Variants in SPTBN2 observed in about 807,000 individuals in gnomAD.
SPTBN2 encodes spectrin beta chain, non-erythrocytic 2.
In SPTBN2, 107 loss-of-function variants were observed where a neutral mutation model predicts 284.2. That is an observed-to-expected ratio of 0.38 (90% confidence interval 0.32 to 0.44). The LOEUF is 0.44. SPTBN2 is among the 20% of genes least tolerant of loss of function. The pLI is 1.00. For missense variants in SPTBN2, 2,569 were observed against 3,287.1 expected (o/e 0.78, Z 5.34); for synonymous variants, 1,289 against 1,354.8 (o/e 0.95, Z 1.07).
intron 37 of SPTBN2, 63 bp from the exon 38 acceptor site, chr11:66,686,167 A>G (rs956010428): frequency 6.6e-7 from 1 of 1,522,962 alleles, no homozygotes; most frequent in Non-Finnish European, 9.1e-7. Context: ...CGCAGTGGAC[A>G]GCAGGGAAGT....
intron 36 of SPTBN2, 102 bp downstream of exon 36, chr11:66,686,891 AG>A: frequency 6.6e-7 from 1 of 1,517,616 alleles, no homozygotes; most frequent in Non-Finnish European, 9.1e-7. Context: ...TACTCCACTC[AG>A]GCTCCTTACA....
rs778239921 is a variant in SPTBN2 at position 66,693,765 on chromosome 11, G to C, written c.4593+7C>G. On this transcript the variant is annotated splice_region_variant and intron_variant, in intron 23 of 37. Coordinates refer to ENST00000533211, the MANE Select transcript of SPTBN2 (RefSeq NM_006946.4). This position sits in a 1 kb window ranked among gnomAD's most constrained non-coding sequence, Gnocchi z 5.7. ...AACTTCTCTTTTGCCTTCAGCCTCTGCCTCACCTGGTTTTTCTTCATGAGA... is the reference window on the plus strand; with the variant it reads ...AACTTCTCTTTTGCCTTCAGCCTCTCCCTCACCTGGTTTTTCTTCATGAGA... The C allele has an allele frequency of 3.3e-5, 53 of 1,610,884 alleles. No individual in the cohort carries two copies. The highest frequency in any genetic ancestry group is 4.3e-5 in the Non-Finnish European group (51 of 1,178,738).
At position 66,683,668 on chromosome 11, in the gene SPTBN2, C is replaced by T. The variant is rs915053830; in HGVS notation, c.*2203G>A. Among the ~76,000 whole-genome samples the T allele has an allele frequency of 8.5e-5, 13 of 152,266 alleles. No homozygotes were observed. Among genetic ancestry groups the T allele is most frequent in the African/African-American group, 2.9e-4 (12 of 41,474 alleles). On this transcript the variant is annotated 3_prime_UTR_variant, in exon 38 of 38. Transcript: ENST00000533211. ...TCTCCGTTGACAATGCCTGCCCCTA[C>T]TGCAGGACTGCTTCAATTGGCTGTC...
In SPTBN2 at chr11:66,693,179, C is replaced by T. The variant is rs751748977; in HGVS notation, c.4854+7G>A. ...TCACATACACTGGGCTCTGTCCTGG[C>T]CCTCACCTTGGCCTTCTCCTGGCCC... On this transcript the variant is annotated splice_region_variant and intron_variant, in intron 24 of 37. Transcript: ENST00000533211. The surrounding 1 kb of genome is among the most constrained non-coding windows in gnomAD (Gnocchi z 5.7). 3 of 1,614,242 alleles carry T rather than the reference C, an allele frequency of 1.9e-6. No individual in the cohort carries two copies. The highest frequency in any genetic ancestry group is 1.3e-5 in the African/African-American group (1 of 75,072).
At position 66,688,985 on chromosome 11, in the gene SPTBN2, G is replaced by A. The variant is rs961186011; in HGVS notation, c.6034+111C>T. 6 of 1,453,202 alleles carry A rather than the reference G, an allele frequency of 4.1e-6. No individual in the cohort carries two copies. The African/African-American group carries it at 8.4e-5, about 20-fold the overall frequency. 90.0% of individuals were successfully genotyped at this position (1,453,202 alleles called of 1,614,324 possible). On this transcript the variant is annotated intron_variant, in intron 30 of 37. Transcript: ENST00000533211. ...AGCTGTGCCAGGCAGCACGAAGATT[G>A]GGCATCGTGAGTTTCACACCCAGGG...
At position 66,700,714 on chromosome 11, in the gene SPTBN2, C is replaced by T. The variant is rs780605197; in HGVS notation, c.3385G>A (p.Glu1129Lys). Residue 1129 changes from glutamate (E) to lysine (K), a missense_variant, in exon 17 of 38, where the codon GAG (glutamate) becomes AAG (lysine). Coordinates refer to ENST00000533211, the MANE Select transcript of SPTBN2 (RefSeq NM_006946.4). The surrounding 1 kb of genome is among the most constrained non-coding windows in gnomAD (Gnocchi z 6.6). Reference sequence around the variant, plus strand: ...TCAGCCTGGTCCCGGGTCACCTCCTCGCCCAGGGCTCGCAGCCGGCTATAC... The same window carrying T: ...TCAGCCTGGTCCCGGGTCACCTCCTTGCCCAGGGCTCGCAGCCGGCTATAC... ...SEYSRLRALGEEVTRDQADPQ... is the reference protein window; with the variant it reads ...SEYSRLRALGKEVTRDQADPQ... The T allele has an allele frequency of 3.0e-5, 48 of 1,604,594 alleles. 1 individual carries two copies. Among genetic ancestry groups the T allele is most frequent in the East Asian group, 6.7e-5 (3 of 44,884 alleles).
chr11:66,723,490 G>A (rs1251209967), intron 1 of SPTBN2, among the ~76,000 whole-genome samples: 1 of 152,150 alleles, frequency 6.6e-6, no homozygotes, highest in Non-Finnish European at 1.5e-5. Context: ...CTGATTCCAT[G>A]AAGCTGAACC....
rs1241052748 is a variant in SPTBN2, at chr11:66,707,893, C to G, written c.1351-75G>C. The G allele has an allele frequency of 1.9e-6, 3 of 1,559,678 alleles. No homozygotes were observed. Among genetic ancestry groups the G allele is most frequent in the Non-Finnish European group, 1.7e-6 (2 of 1,152,562 alleles). On this transcript the variant is annotated intron_variant, in intron 12 of 37. Coordinates refer to ENST00000533211, the MANE Select transcript of SPTBN2 (RefSeq NM_006946.4). This position sits in a 1 kb window ranked among gnomAD's most constrained non-coding sequence, Gnocchi z 4.9. The stretch of plus-strand genomic sequence containing the variant: ...CTGCCTGCTCCTCTGTCCTGCAGGG[C>G]ACTTGGCCTGCAAGATCCCAGCTCC...
In SPTBN2 at chr11:66,688,150, C is replaced by A; in HGVS notation, c.6374+19G>T. 1 of 1,613,508 alleles carries A rather than the reference C, an allele frequency of 6.2e-7. No individual in the cohort carries two copies. On this transcript the variant is annotated intron_variant, in intron 32 of 37. Transcript: ENST00000533211. ...CTGGGCTCAGCCGCCTCCTCCTACC[C>A]AGGCATCCTGGCTCTCACCCGTCCC...
intron 14 of SPTBN2, 27 bp downstream of exon 14, chr11:66,705,657 T>C (rs1941504379): frequency 6.2e-7 from 1 of 1,608,794 alleles, no homozygotes; most frequent in African/African-American, 1.3e-5. Context: ...AGCCCCTCCC[T>C]CTCCAGTGCC....
chr11:66,728,131 G>C (rs957189703), intron 1 of SPTBN2: 2 of 147,420 alleles, frequency 1.4e-5, no homozygotes, highest in African/African-American at 4.9e-5. Context: ...CCGCGGGCCG[G>C]GACAAAGCGG....
Position 66,694,287 on chromosome 11 carries a change from TC to T in SPTBN2, c.4354del (p.Glu1452ArgfsTer53). The part of the protein sequence containing the change: ...IQAQAKALAQ[E>X]DQGAGEVERT... ...CTCCACCTCCCCTGCACCCTGGTCC[TC>T]CTGGGCCAGTGCTTTGGCCTGGGCC... On this transcript the variant is annotated frameshift_variant, in exon 22 of 38. Coordinates refer to ENST00000533211, the MANE Select transcript of SPTBN2 (RefSeq NM_006946.4). LOFTEE classifies it high-confidence loss of function. The T allele has an allele frequency of 6.2e-7, 1 of 1,614,218 alleles. No homozygotes were observed. Among genetic ancestry groups the T allele is most frequent in the Non-Finnish European group, 8.5e-7 (1 of 1,180,028 alleles).
At position 66,710,674 on chromosome 11, in the gene SPTBN2, G is replaced by C; in HGVS notation, c.981C>G (p.Thr327=). The stretch of plus-strand genomic sequence containing the variant: ...AGTTGGCCAACTGCCGGTCATTGAG[G>C]GTCACGATCGTTTGCTCGATCCACT... The part of the protein sequence containing the change: ...LLQWIEQTIV[T]LNDRQLANSL... Residue 327 remains threonine, a synonymous_variant, in exon 10 of 38, where the codon ACC becomes ACG. Coordinates refer to ENST00000533211, the MANE Select transcript of SPTBN2 (RefSeq NM_006946.4). This position sits in a 1 kb window ranked among gnomAD's most constrained non-coding sequence, Gnocchi z 4.9. 1 of 1,614,176 alleles carries C rather than the reference G, an allele frequency of 6.2e-7. No individual in the cohort carries two copies. The highest frequency in any genetic ancestry group is 8.5e-7 in the Non-Finnish European group (1 of 1,180,036).
intron 1 of SPTBN2, among the ~76,000 whole-genome samples, chr11:66,742,337 C>T (rs1427090422): frequency 6.6e-6 from 1 of 152,078 alleles, no homozygotes; most frequent in Non-Finnish European, 1.5e-5. Flanking sequence ...GATGGCAAAC[C>T]CTCATATCGA....
intron 1 of SPTBN2, chr11:66,727,951 C>A (rs1376985809): frequency 6.6e-6 from 1 of 150,386 alleles, no homozygotes; most frequent in Non-Finnish European, 1.5e-5. Context: ...GTCCCCCCCC[C>A]TCGGCCTTGG....
chr11:66,696,639 T>C lies in SPTBN2; in HGVS notation c.4015-99A>G, dbSNP rs979229986. 1.0e-5 allele frequency: 15 copies of C among 1,503,644 alleles called. No homozygotes were observed. In the Admixed American group the frequency reaches 2.4e-4, roughly 24 times the overall value. 93.1% of individuals were successfully genotyped at this position (1,503,644 alleles called of 1,614,324 possible). The stretch of plus-strand genomic sequence containing the variant: ...CCTTACGGGCAGTAGAGACCTGAAG[T>C]GTGGGCAATAATTCCAAGTCCTTGT... On this transcript the variant is annotated intron_variant, in intron 20 of 37. Coordinates refer to ENST00000533211, the MANE Select transcript of SPTBN2 (RefSeq NM_006946.4).
intron 29 of SPTBN2, among the ~76,000 whole-genome samples, 163 bp downstream of exon 29, chr11:66,689,642 C>T (rs534970189): frequency 5.9e-5 from 9 of 152,308 alleles, no homozygotes; most frequent in African/African-American, 2.2e-4. Flanking sequence ...GCAGACGGTT[C>T]TGGGGAGAGA....
rs1940417309 is a variant in SPTBN2 at position 66,689,894 on chromosome 11, C to T, written c.5860G>A (p.Ala1954Thr). ...LVIKNQQGIK[A>T]EIEARADRFS... Reference sequence around the variant, plus strand: ...CGGTCTGCCCGGGCCTCTATCTCTGCCTTGATGCCTTGCTGGTTCTTGATG... The same window carrying T: ...CGGTCTGCCCGGGCCTCTATCTCTGTCTTGATGCCTTGCTGGTTCTTGATG... The change falls in exon 29 of 38, where the codon GCA becomes ACA. Residue 1954 changes from alanine (A) to threonine (T), a missense_variant. Ala to Thr is a moderately conservative substitution (Grantham distance 58). Transcript: ENST00000533211. 6.2e-7 allele frequency: 1 copy of T among 1,614,060 alleles called. No homozygotes were observed. The highest frequency in any genetic ancestry group is 1.1e-5 in the South Asian group (1 of 91,090).
intron 3 of SPTBN2, among the ~76,000 whole-genome samples, chr11:66,719,746 G>A (rs1852071164): frequency 6.6e-6 from 1 of 152,174 alleles, no homozygotes; most frequent in Admixed American, 6.5e-5. Flanking sequence ...AAACATGGTG[G>A]GTGGCACATG....
Sources: gnomAD v4.1 joint callset for allele counts (sites outside exome capture counted in the v4.1 genomes callset) on GRCh38, gnomAD v4.1.1 for gene constraint, Gnocchi (gnomAD v3.1) non-coding constraint, MANE v1.5 for transcripts, NCBI Gene and HGNC (gene_info 2026-07-23, HGNC 2026-07-21) for gene names.